KBTBD12: variants seen among roughly 807,000 people sequenced by gnomAD.
The protein encoded by KBTBD12 is kelch repeat and BTB domain-containing protein 12.
In KBTBD12, 53 loss-of-function variants were observed where a neutral mutation model predicts 58.7. That is an observed-to-expected ratio of 0.90 (90% CI 0.72 to 1.14). The LOEUF (loss-of-function observed/expected upper bound fraction) is 1.14, where lower values mean the gene tolerates loss of function less well. Ranked by LOEUF, KBTBD12 falls within the 50% of genes most tolerant of loss-of-function variation. The pLI is 0.00. For missense variants in KBTBD12, 704 were observed against 751.3 expected (o/e 0.94, Z 0.74); for synonymous variants, 236 against 259.8 (o/e 0.91, Z 0.88).
intron 5 of KBTBD12, among the ~76,000 whole-genome samples, chr3:127,977,793 G>A (rs1217526792): frequency 2.6e-5 from 4 of 152,028 alleles, no homozygotes; most frequent in African/African-American, 9.7e-5. Flanking sequence ...TTACTCTGTC[G>A]ATAGTTTCTT....
At chr3:127,922,314 A>G (rs1290100321) in intron 1 of KBTBD12, among the ~76,000 whole-genome samples, 1 of 152,134 alleles carries the variant, frequency 6.6e-6, no homozygotes, top group Non-Finnish European at 1.5e-5. Flanking sequence ...TTAGTTGTAT[A>G]TTTTAAATAT....
chr3:127,972,912 A>G (rs1262452183), intron 5 of KBTBD12, among the ~76,000 whole-genome samples: 1 of 152,252 alleles, frequency 6.6e-6, no homozygotes, highest in African/African-American at 2.4e-5. Context: ...TAGTTGGTTC[A>G]GTCAGAAATC....
chr3:127,955,986 A>C (rs1430487234), intron 4 of KBTBD12, among the ~76,000 whole-genome samples: 1 of 152,200 alleles, frequency 6.6e-6, no homozygotes, highest in Non-Finnish European at 1.5e-5. Flanking sequence ...TTAGATATAC[A>C]TTTCATACAT....
At chr3:127,964,399 C>T (rs1390650598) in intron 5 of KBTBD12, among the ~76,000 whole-genome samples, 1 of 151,466 alleles carries the variant, frequency 6.6e-6, no homozygotes, top group African/African-American at 2.4e-5. Flanking sequence ...TTTGGGAGGC[C>T]GAGGCAGGCA....
At chr3:127,945,335 C>A (rs1940056286) in intron 4 of KBTBD12, among the ~76,000 whole-genome samples, 1 of 151,542 alleles carries the variant, frequency 6.6e-6, no homozygotes, top group Non-Finnish European at 1.5e-5. Context: ...CAGGCGCCCA[C>A]CACAATGCCC....
chr3:127,949,744 A>G (rs1940164835), intron 4 of KBTBD12, among the ~76,000 whole-genome samples: 1 of 152,214 alleles, frequency 6.6e-6, no homozygotes, highest in South Asian at 2.1e-4. Flanking sequence ...TGAAGTAGCT[A>G]GGTCTTGAAA....
intron 5 of KBTBD12, among the ~76,000 whole-genome samples, chr3:127,968,189 G>A (rs557219811): frequency 7.1e-4 from 108 of 152,242 alleles, no homozygotes; most frequent in African/African-American, 2.0e-3. Context: ...GAAGTCTTAC[G>A]TCTTCTATTA....
At position 127,961,889 on chromosome 3, in the gene KBTBD12, G is replaced by A. The variant is rs530869042; in HGVS notation, c.1493-1300G>A. ...ATAAAATGACACTGAAAGAAGACAG[G>A]CCAGGAAACACATGAGATTAATTTC... On this transcript the variant is annotated intron_variant, in intron 4 of 5. Transcript: ENST00000405109. Among the ~76,000 whole-genome samples the A allele has an allele frequency of 3.3e-5, 5 of 152,292 alleles. No individual in the cohort carries two copies. In the South Asian group the frequency reaches 1.0e-3, roughly 32 times the overall value.
chr3:127,954,038 G>T (rs1940267662), intron 4 of KBTBD12, among the ~76,000 whole-genome samples: 1 of 152,130 alleles, frequency 6.6e-6, no homozygotes, highest in Admixed American at 6.5e-5. Flanking sequence ...TTGTTAGGAA[G>T]TGCAGAAAGG....
At chr3:127,977,879 T>G (rs868737454) in intron 5 of KBTBD12, among the ~76,000 whole-genome samples, 2 of 152,238 alleles carry the variant, frequency 1.3e-5, no homozygotes, top group Non-Finnish European at 2.9e-5. Context: ...GCTTTTGGTG[T>G]CTTTGTCATG....
At position 127,978,628 on chromosome 3, in the gene KBTBD12, G is replaced by A. The variant is rs533503437; in HGVS notation, c.1691-5469G>A. ...GAATTTTTTCTTTCTTCTTTTTTTC[G>A]TTCTTTACCCCACCCCCTTCCCAAG... On this transcript the variant is annotated intron_variant, in intron 5 of 5. Coordinates refer to ENST00000405109, the MANE Select transcript of KBTBD12 (RefSeq NM_207335.4). 1.8e-4 allele frequency among the ~76,000 whole-genome samples: 28 copies of A among 151,922 alleles called. No homozygotes were observed. The South Asian group carries it at 5.6e-3, about 30-fold the overall frequency.
Position 127,924,015 on chromosome 3 carries a change from G to A in KBTBD12, c.954G>A (p.Glu318=), listed in dbSNP as rs766339000. ...TCATCTCATCTCCCAAGTACGGAGA[G>A]GGTTTAGGAACTGTGTGTACTGGTG... ...TYFISSPKYG[E]GLGTVCTGVV... The change falls in exon 2 of 6, where the codon GAG becomes GAA. Residue 318 remains glutamate (E), a synonymous_variant. Coordinates refer to ENST00000405109, the MANE Select transcript of KBTBD12 (RefSeq NM_207335.4). 6.2e-7 allele frequency: 1 copy of A among 1,613,738 alleles called. No individual in the cohort carries two copies. The highest frequency in any genetic ancestry group is 8.5e-7 in the Non-Finnish European group (1 of 1,179,698).
At chr3:127,924,760 T>C (rs1939524755) in intron 2 of KBTBD12, among the ~76,000 whole-genome samples, 2 of 152,350 alleles carry the variant, frequency 1.3e-5, no homozygotes, top group Non-Finnish European at 2.9e-5. Context: ...AAAATGTTTG[T>C]AGTTGAAGAA....
intron 5 of KBTBD12, among the ~76,000 whole-genome samples, chr3:127,968,453 C>T (rs557882030): frequency 1.3e-4 from 20 of 152,336 alleles, no homozygotes; most frequent in African/African-American, 4.6e-4. Context: ...TAGGCAAAGA[C>T]ATTGCAAGAA....
At chr3:127,962,004 T>TCACCCAAC (rs1940450185) in intron 4 of KBTBD12, among the ~76,000 whole-genome samples, 1 of 152,236 alleles carries the variant, frequency 6.6e-6, no homozygotes, top group African/African-American at 2.4e-5. Flanking sequence ...CATACTCCAG[T>TCACCCAAC]ATCAGTCACC....
rs1940985242 is a variant in KBTBD12 at position 127,987,129 on chromosome 3, A to T, written c.*2851A>T. ...CAGGAGCTGGCTTAGCACTGAAGGGAAGCAGGCATCAAGGGCAGGATTTCT... is the reference window on the plus strand; with the variant it reads ...CAGGAGCTGGCTTAGCACTGAAGGGTAGCAGGCATCAAGGGCAGGATTTCT... On this transcript the variant is annotated 3_prime_UTR_variant, in exon 6 of 6. Coordinates refer to ENST00000405109, the MANE Select transcript of KBTBD12 (RefSeq NM_207335.4). 6.6e-6 allele frequency: 1 copy of T among 152,180 alleles called. No homozygotes were observed. The highest frequency in any genetic ancestry group is 6.5e-5 in the Admixed American group (1 of 15,284). 9.4% of individuals were successfully genotyped at this position (152,180 alleles called of 1,614,324 possible). A position where few individuals can be genotyped will look rare whatever the true frequency, so the allele number is the denominator to read the frequency against.
At chr3:127,941,848 C>A (rs1340070711) in intron 4 of KBTBD12, among the ~76,000 whole-genome samples, 1 of 152,212 alleles carries the variant, frequency 6.6e-6, no homozygotes, top group African/African-American at 2.4e-5. Flanking sequence ...GATCCACCCG[C>A]CTCAGCCTCC....
At chr3:127,932,811 A>G (rs572085474) in intron 4 of KBTBD12, among the ~76,000 whole-genome samples, 1 of 152,286 alleles carries the variant, frequency 6.6e-6, no homozygotes, top group East Asian at 1.9e-4. Context: ...GATATTGTAA[A>G]TTCTGTTTAT....
At position 127,915,478 on chromosome 3, in the gene KBTBD12, T is replaced by TTGGGCAGTGGCCTCAGTC. The variant is rs1939207771; in HGVS notation, c.-220_-203dup. 1 of 152,442 alleles carries TTGGGCAGTGGCCTCAGTC rather than the reference T, an allele frequency of 6.6e-6. No homozygotes were observed. Among genetic ancestry groups the TTGGGCAGTGGCCTCAGTC allele is most frequent in the Admixed American group, 6.5e-5 (1 of 15,296 alleles). The allele number at this position is 152,442 out of a possible 1,614,324, so 9.4% of individuals were successfully genotyped here. A position where few individuals can be genotyped will look rare whatever the true frequency, so the allele number is the denominator to read the frequency against. On this transcript the variant is annotated 5_prime_UTR_variant, in exon 1 of 6. Coordinates refer to ENST00000405109, the MANE Select transcript of KBTBD12 (RefSeq NM_207335.4). ...ATCGCCCAGCCAGCACAGGCCCATA[T>TTGGGCAGTGGCCTCAGTC]TGGGCAGTGGCCTCAGTCAGGCCCG... is the stretch of plus-strand genomic sequence containing the variant.
Sources: allele counts gnomAD v4.1 joint callset (sites outside exome capture counted in the v4.1 genomes callset), GRCh38; gene constraint gnomAD v4.1.1; transcripts MANE v1.5; gene names NCBI Gene and HGNC (gene_info 2026-07-23, HGNC 2026-07-21).